The following EPHA6 variants were observed in gnomAD, a reference collection of about 807,000 sequenced individuals.
The protein encoded by EPHA6 is EPH receptor A6, also known as ephrin type-A receptor 6.
A neutral mutation model predicts 112.0 loss-of-function variants in EPHA6; 50 were observed. The observed-to-expected ratio is 0.45, with a 90% CI of 0.36 to 0.56. The LOEUF (loss-of-function observed/expected upper bound fraction) is 0.56. Ranked by LOEUF, EPHA6 falls within the 20% of genes least tolerant of loss-of-function variation. The pLI, the probability that EPHA6 is intolerant of heterozygous loss-of-function variation, is 0.00. For synonymous variants in EPHA6, 529 were observed against 490.7 expected (o/e 1.08, Z -1.03); for missense variants, 1,280 against 1,417.4 (o/e 0.90, Z 1.56).
intron 3 of EPHA6, among the ~76,000 whole-genome samples, chr3:97,076,903 G>GGA (rs2046545249): frequency 6.6e-6 from 1 of 152,040 alleles, no homozygotes; most frequent in Admixed American, 6.6e-5. Flanking sequence ...CGAACATTGT[G>GGA]GAGAGCTACA....
intron 3 of EPHA6, among the ~76,000 whole-genome samples, chr3:97,136,719 A>G (rs1329274863): frequency 6.6e-6 from 1 of 152,168 alleles, no homozygotes; most frequent in Non-Finnish European, 1.5e-5. Context: ...TTTGAATGCA[A>G]GTCATACATG....
chr3:97,692,520 C>G (rs1202358195), intron 14 of EPHA6, among the ~76,000 whole-genome samples: 1 of 152,158 alleles, frequency 6.6e-6, no homozygotes, highest in African/African-American at 2.4e-5. Context: ...TTGTCCTGAA[C>G]CAATTGACCC....
chr3:97,538,981 CTCTTTCTTTCTTTCTTTCTT>C lies in EPHA6; in HGVS notation c.2386+6475_2386+6494del, dbSNP rs796705721. ...CTACTACATACTGGACACTTTCTCTCTCTTTCTTTCTTTCTTTCTTTCTTTCTTTCTTTCTTTCTTTCTTT... is the reference window on the plus strand; with the variant it reads ...CTACTACATACTGGACACTTTCTCTCTCTTTCTTTCTTTCTTTCTTTCTTT... On this transcript the variant is annotated intron_variant, in intron 11 of 17. Coordinates refer to ENST00000389672, the MANE Select transcript of EPHA6 (RefSeq NM_001080448.3). 6.4e-3 allele frequency among the ~76,000 whole-genome samples: 839 copies of C among 130,244 alleles called. 9 individuals carry two copies. The highest frequency in any genetic ancestry group is 0.023 in the African/African-American group (760 of 33,252). The allele number at this position is 130,244 out of a possible 152,430, so 85.4% of individuals were successfully genotyped here.
chr3:97,436,364 G>A (rs560970328), intron 6 of EPHA6, among the ~76,000 whole-genome samples: 1 of 152,044 alleles, frequency 6.6e-6, no homozygotes, highest in Non-Finnish European at 1.5e-5. Flanking sequence ...AAATATATTG[G>A]TATCAGATCA....
intron 2 of EPHA6, among the ~76,000 whole-genome samples, chr3:96,909,381 A>G (rs2039100475): frequency 6.6e-6 from 1 of 151,972 alleles, no homozygotes; most frequent in Non-Finnish European, 1.5e-5. Flanking sequence ...ATAAAGAAAA[A>G]TATGTGAGTT....
intron 5 of EPHA6, among the ~76,000 whole-genome samples, chr3:97,253,449 C>T (rs373103474): frequency 2.0e-5 from 3 of 152,118 alleles, no homozygotes; most frequent in African/African-American, 7.2e-5. Flanking sequence ...TACTTTTATG[C>T]TCTGCTATAT....
intron 2 of EPHA6, among the ~76,000 whole-genome samples, chr3:96,911,857 T>G (rs2039232943): frequency 6.6e-6 from 1 of 152,042 alleles, no homozygotes; most frequent in Non-Finnish European, 1.5e-5. Flanking sequence ...GTATATGTAT[T>G]TAAGTACTTT....
At chr3:97,160,277 T>C (rs2076382130) in intron 3 of EPHA6, among the ~76,000 whole-genome samples, 1 of 151,992 alleles carries the variant, frequency 6.6e-6, no homozygotes, top group African/African-American at 2.4e-5. Context: ...CACAAATATC[T>C]TCACTTTTTT....
At position 96,853,478 on chromosome 3, in the gene EPHA6, G is replaced by T. The variant is rs76112835; in HGVS notation, c.386-13347G>T. On this transcript the variant is annotated intron_variant, in intron 1 of 17. Transcript: ENST00000389672. ...CCAAACTCAGTGGCCATAATGCATT[G>T]ACTGTTTCTGTGTGGAGAGCACCAT... Among the ~76,000 whole-genome samples, 13 of 151,868 alleles carry T rather than the reference G, an allele frequency of 8.6e-5. No individual in the cohort carries two copies. The East Asian group carries it at 2.5e-3, about 30-fold the overall frequency.
chr3:96,846,835 C>T (rs779546820), intron 1 of EPHA6, among the ~76,000 whole-genome samples: 10 of 152,020 alleles, frequency 6.6e-5, no homozygotes, highest in Non-Finnish European at 1.3e-4. Context: ...TTGTTCCTTA[C>T]CATTACTGTA....
chr3:97,615,412 A>T (rs1035737860), intron 13 of EPHA6, among the ~76,000 whole-genome samples: 8 of 152,072 alleles, frequency 5.3e-5, no homozygotes, highest in Non-Finnish European at 1.0e-4. Flanking sequence ...CAAGGTGAAA[A>T]GTTGGACCTC....
At chr3:97,418,371 C>T (rs1268849006) in intron 6 of EPHA6, among the ~76,000 whole-genome samples, 1 of 151,856 alleles carries the variant, frequency 6.6e-6, no homozygotes, top group East Asian at 1.9e-4. Context: ...ATAACATGTT[C>T]AAAATAGGAA....
At chr3:97,448,939 G>A (rs2090438526) in intron 7 of EPHA6, among the ~76,000 whole-genome samples, 1 of 152,024 alleles carries the variant, frequency 6.6e-6, no homozygotes, top group African/African-American at 2.4e-5. Context: ...TAAAAGTAAT[G>A]TGGCCAAAAT....
At chr3:97,127,949 T>A (rs2048228600) in intron 3 of EPHA6, among the ~76,000 whole-genome samples, 1 of 152,092 alleles carries the variant, frequency 6.6e-6, no homozygotes, top group Non-Finnish European at 1.5e-5. Context: ...GTCTGAGATT[T>A]TAGTGCACCC....
chr3:97,760,299 T>C lies in EPHA6; in HGVS notation c.*11598T>C, dbSNP rs2107944986. 5.8e-6 allele frequency: 1 copy of C among 172,614 alleles called. No homozygotes were observed. Among genetic ancestry groups the C allele is most frequent in the South Asian group, 2.0e-4 (1 of 4,994 alleles). 10.7% of individuals were successfully genotyped at this position (172,614 alleles called of 1,614,324 possible). On this transcript the variant is annotated 3_prime_UTR_variant, in exon 18 of 18. Transcript: ENST00000389672. ...GCCCCTCTATCCTATAGGAAGAATG[T>C]GATCTTTTAATTGTGCTTGGTGCTT...
intron 12 of EPHA6, among the ~76,000 whole-genome samples, chr3:97,605,016 A>G (rs958082062): frequency 5.3e-5 from 8 of 151,698 alleles, no homozygotes; most frequent in African/African-American, 1.9e-4. Flanking sequence ...GGTCAAAGCC[A>G]CTTTAGAATG....
intron 7 of EPHA6, among the ~76,000 whole-genome samples, chr3:97,454,118 G>T (rs1406086129): frequency 6.6e-6 from 1 of 151,654 alleles, no homozygotes; most frequent in Non-Finnish European, 1.5e-5. Flanking sequence ...CTTCCAACTG[G>T]AATATTCAGA....
intron 2 of EPHA6, among the ~76,000 whole-genome samples, chr3:96,981,654 CAG>C (rs1475694469): frequency 1.6e-4 from 24 of 152,130 alleles, no homozygotes; most frequent in South Asian, 1.5e-3. Context: ...GTACCTCTGA[CAG>C]AATTCTGCTG....
At chr3:96,862,518 A>G (rs2036066152) in intron 1 of EPHA6, among the ~76,000 whole-genome samples, 5 of 151,920 alleles carry the variant, frequency 3.3e-5, no homozygotes, top group Admixed American at 2.6e-4. Flanking sequence ...CATGACATTG[A>G]CTTAAATTTT....
Sources: gnomAD v4.1 joint callset for allele counts (sites outside exome capture counted in the v4.1 genomes callset) on GRCh38, gnomAD v4.1.1 for gene constraint, MANE v1.5 for transcripts, NCBI Gene and HGNC (gene_info 2026-07-23, HGNC 2026-07-21) for gene names.